The following PTPRB variants were observed in gnomAD, a reference collection of about 807,000 sequenced individuals.
The protein encoded by PTPRB is receptor-type tyrosine-protein phosphatase beta.
Under a neutral mutation model 238.1 loss-of-function variants are expected in PTPRB, and 97 were observed. The observed-to-expected ratio is 0.41, with a 90% CI of 0.35 to 0.48. The LOEUF is 0.48. Among genes scored for constraint, PTPRB ranks in the 20% least tolerant of loss-of-function variants. The pLI, the probability that PTPRB is intolerant of heterozygous loss-of-function variation, is 0.30. For synonymous variants in PTPRB, 970 were observed against 995.4 expected (o/e 0.97, Z 0.48); for missense variants, 2,292 against 2,681.9 (o/e 0.85, Z 3.21).
At chr12:70,573,655 G>C (rs995997087) in intron 11 of PTPRB, among the ~76,000 whole-genome samples, 1 of 151,666 alleles carries the variant, frequency 6.6e-6, no homozygotes, top group Non-Finnish European at 1.5e-5. Flanking sequence ...ACAGGTGCCT[G>C]CCACTACACC....
intron 3 of PTPRB, among the ~76,000 whole-genome samples, chr12:70,620,017 G>A (rs976042676): frequency 2.0e-5 from 3 of 152,150 alleles, no homozygotes; most frequent in South Asian, 2.1e-4. Flanking sequence ...AGTCTAAGGC[G>A]TTAGAGTCAT....
chr12:70,636,279 TCCC>T (rs1462487882), intron 1 of PTPRB, among the ~76,000 whole-genome samples: 7 of 151,366 alleles, frequency 4.6e-5, no homozygotes, highest in Non-Finnish European at 1.0e-4. Flanking sequence ...TACACTTAAC[TCCC>T]CATCTTTTTT....
intron 1 of PTPRB, among the ~76,000 whole-genome samples, chr12:70,637,050 A>G (rs1326764644): frequency 6.6e-6 from 1 of 152,192 alleles, no homozygotes; most frequent in African/African-American, 2.4e-5. Flanking sequence ...AGACTGTTAT[A>G]TAATAATACA....
In PTPRB at chr12:70,535,901, G is replaced by T. The variant is rs1874053895; in HGVS notation, c.6081+124C>A. 22 of 1,192,808 alleles carry T rather than the reference G, an allele frequency of 1.8e-5. No homozygotes were observed. The Admixed American group carries it at 2.5e-4, about 14-fold the overall frequency. 73.9% of individuals were successfully genotyped at this position (1,192,808 alleles called of 1,614,324 possible). On this transcript the variant is annotated intron_variant, in intron 29 of 33. Coordinates refer to ENST00000334414, the MANE Select transcript of PTPRB (RefSeq NM_001109754.4). Reference sequence around the variant, plus strand: ...GAGTCTTTTGAACAGAGTGGTATAAGTCACTAACAATGCTCTCACATGATC... The same window carrying T: ...GAGTCTTTTGAACAGAGTGGTATAATTCACTAACAATGCTCTCACATGATC...
rs1873380860 is a variant in PTPRB at position 70,532,286 on chromosome 12, G to A, written c.6369-116C>T. 1.3e-5 allele frequency: 17 copies of A among 1,274,038 alleles called. No individual in the cohort carries two copies. In the Middle Eastern group the frequency reaches 6.0e-4, roughly 45 times the overall value. The allele number at this position is 1,274,038 out of a possible 1,614,324, so 78.9% of individuals were successfully genotyped here. On this transcript the variant is annotated intron_variant, in intron 31 of 33. Coordinates refer to ENST00000334414, the MANE Select transcript of PTPRB (RefSeq NM_001109754.4). ...CCTTCCCAGTTATGGGAGAAGATAG[G>A]AATATTTCTTTCTCTCAAATAAGTT...
At chr12:70,558,032 G>T (rs1877959817) in intron 18 of PTPRB, among the ~76,000 whole-genome samples, 1 of 152,192 alleles carries the variant, frequency 6.6e-6, no homozygotes, top group Non-Finnish European at 1.5e-5. Flanking sequence ...GGCTGTGGGG[G>T]ACTGATGCAT....
At chr12:70,628,108 C>T (rs993215826) in intron 2 of PTPRB, among the ~76,000 whole-genome samples, 3 of 152,098 alleles carry the variant, frequency 2.0e-5, no homozygotes, top group African/African-American at 4.8e-5. Flanking sequence ...GGGATTTTAC[C>T]GGTTCGGCCA....
In PTPRB at chr12:70,576,452, G is replaced by A. The variant is rs369358815; in HGVS notation, c.2772C>T (p.Arg924=). 96 of 1,603,998 alleles carry A rather than the reference G, an allele frequency of 6.0e-5. No individual in the cohort carries two copies. The African/African-American group carries it at 1.2e-3, about 20-fold the overall frequency. ...ECSFSSLTPG[R]LYTVTITTRS... ...TTGTAGTTATGGTCACGGTGTAGAG[G>A]CGGCCTGGGGTGAGGGAGCTGAAGG... is the stretch of plus-strand genomic sequence containing the variant. The change falls in exon 11 of 34, where the codon CGC becomes CGT. Residue 924 remains arginine, a synonymous_variant. Transcript: ENST00000334414.
At chr12:70,524,989 GTATA>G (rs75151257) in intron 32 of PTPRB, among the ~76,000 whole-genome samples, 1 of 149,444 alleles carries the variant, frequency 6.7e-6, no homozygotes, top group Non-Finnish European at 1.5e-5. Flanking sequence ...GTGTGTGTGT[GTATA>G]TATATATATA....
chr12:70,559,997 T>A (rs1287643071), intron 17 of PTPRB, among the ~76,000 whole-genome samples: 1 of 151,896 alleles, frequency 6.6e-6, no homozygotes, highest in Non-Finnish European at 1.5e-5. Context: ...CCACTACACC[T>A]GGCTAATTGT....
At chr12:70,521,804 C>T (rs558676481) in intron 33 of PTPRB, among the ~76,000 whole-genome samples, 3 of 152,214 alleles carry the variant, frequency 2.0e-5, no homozygotes, top group East Asian at 1.9e-4. Flanking sequence ...CTAGTTAGTT[C>T]GAGAGTTCGG....
At chr12:70,565,418 G>A (rs1477611419) in intron 15 of PTPRB, among the ~76,000 whole-genome samples, 2 of 152,130 alleles carry the variant, frequency 1.3e-5, no homozygotes, top group East Asian at 3.9e-4. Flanking sequence ...AGGACAGACT[G>A]TCTGTACAAA....
chr12:70,620,543 T>C, intron 3 of PTPRB, among the ~76,000 whole-genome samples: 1 of 152,222 alleles, frequency 6.6e-6, no homozygotes, highest in East Asian at 1.9e-4. Flanking sequence ...TACATATATT[T>C]AAGCTATGAT....
intron 7 of PTPRB, among the ~76,000 whole-genome samples, chr12:70,590,590 C>CT (rs34092195): frequency 0.083 from 8,806 of 105,986 alleles, 361 homozygotes; most frequent in Non-Finnish European, 0.11. Context: ...AGATTAAGTT[C>CT]TTTTTTTTTT....
chr12:70,581,429 A>G, intron 9 of PTPRB, 127 bp from the exon 10 acceptor site: 1 of 993,918 alleles, frequency 1.0e-6, no homozygotes. Context: ...GTTGCTATAG[A>G]CTCTCAGTTC....
chr12:70,569,132 C>T (rs923837877), intron 14 of PTPRB, among the ~76,000 whole-genome samples: 5 of 152,076 alleles, frequency 3.3e-5, no homozygotes, highest in African/African-American at 1.2e-4. Flanking sequence ...GACAGGGTCT[C>T]ACTCCGGTTG....
intron 28 of PTPRB, among the ~76,000 whole-genome samples, chr12:70,537,179 C>T (rs1427629900): frequency 2.7e-5 from 4 of 149,580 alleles, no homozygotes; most frequent in South Asian, 2.1e-4. Flanking sequence ...CTCAGCTACT[C>T]GGGCGGCTGA....
intron 4 of PTPRB, among the ~76,000 whole-genome samples, chr12:70,602,965 A>G (rs542086696): frequency 2.4e-4 from 37 of 152,270 alleles, no homozygotes; most frequent in African/African-American, 8.4e-4. Flanking sequence ...GAAAAATCTA[A>G]TATTATCTTT....
chr12:70,534,694 C>T, intron 30 of PTPRB, 43 bp from the exon 31 acceptor site: 1 of 1,602,978 alleles, frequency 6.2e-7, no homozygotes. Flanking sequence ...CTGTCCAATG[C>T]AAACCTTCAA....
Sources: gnomAD v4.1 joint callset for allele counts (sites outside exome capture counted in the v4.1 genomes callset) on GRCh38, gnomAD v4.1.1 for gene constraint, MANE v1.5 for transcripts, NCBI Gene and HGNC (gene_info 2026-07-23, HGNC 2026-07-21) for gene names.